Variants in KDM4C observed in about 807,000 individuals in gnomAD.
KDM4C encodes lysine demethylase 4C.
KDM4C carries 81 observed loss-of-function variants against 129.3 expected under a neutral mutation model. The observed-to-expected ratio is 0.63, with a 90% CI of 0.52 to 0.75. The LOEUF (loss-of-function observed/expected upper bound fraction) is 0.75. Ranked by LOEUF, KDM4C falls within the 30% of genes least tolerant of loss-of-function variation. KDM4C has a pLI of 0.00. For missense variants in KDM4C, 1,457 were observed against 1,304.0 expected (o/e 1.12, Z -1.81); for synonymous variants, 573 against 456.1 (o/e 1.26, Z -3.26).
At chr9:7,124,685 A>G (rs561491699) in intron 18 of KDM4C, among the ~76,000 whole-genome samples, 11 of 152,302 alleles carry the variant, frequency 7.2e-5, no homozygotes, top group East Asian at 1.9e-4. Context: ...GTATAGTGCA[A>G]TTAAATCGGG....
At chr9:6,733,304 A>G (rs1245412204) in intron 1 of KDM4C, among the ~76,000 whole-genome samples, 1 of 152,232 alleles carries the variant, frequency 6.6e-6, no homozygotes, top group Non-Finnish European at 1.5e-5. Flanking sequence ...ACAATTGCCT[A>G]CAGAAAGGGG....
chr9:6,947,765 A>G (rs1731496078), intron 8 of KDM4C, among the ~76,000 whole-genome samples: 1 of 152,054 alleles, frequency 6.6e-6, no homozygotes, highest in South Asian at 2.1e-4. Context: ...GGAGTTTTTA[A>G]TCAGTATTGG....
intron 1 of KDM4C, among the ~76,000 whole-genome samples, chr9:6,788,948 G>A (rs1825987336): frequency 6.6e-6 from 1 of 152,102 alleles, no homozygotes; most frequent in African/African-American, 2.4e-5. Context: ...GTTTACAGAA[G>A]CACAAGTCAG....
intron 8 of KDM4C, among the ~76,000 whole-genome samples, chr9:6,934,530 CCTCT>C (rs1044058941): frequency 1.1e-4 from 15 of 141,666 alleles, no homozygotes; most frequent in African/African-American, 3.7e-4. Flanking sequence ...CAACTTATAT[CCTCT>C]CTCTTTTTTT....
At chr9:6,995,044 G>T (rs1390309960) in intron 12 of KDM4C, among the ~76,000 whole-genome samples, 1 of 137,742 alleles carries the variant, frequency 7.3e-6, no homozygotes, top group Admixed American at 7.5e-5. Context: ...GGCTACGGTG[G>T]TCCTGAGAGT....
At chr9:6,736,293 A>G (rs2130238686) in intron 1 of KDM4C, among the ~76,000 whole-genome samples, 1 of 152,354 alleles carries the variant, frequency 6.6e-6, no homozygotes, top group South Asian at 2.1e-4. Context: ...AGAAATTTGC[A>G]TAAGTAATGA....
At chr9:6,828,233 C>T (rs1430440037) in intron 4 of KDM4C, among the ~76,000 whole-genome samples, 3 of 151,954 alleles carry the variant, frequency 2.0e-5, no homozygotes, top group African/African-American at 4.8e-5. Flanking sequence ...CTGCAAGCTC[C>T]GCCTCCCAGG....
chr9:7,036,702 A>T (rs1258432348), intron 15 of KDM4C, among the ~76,000 whole-genome samples: 2 of 152,180 alleles, frequency 1.3e-5, no homozygotes, highest in African/African-American at 4.8e-5. Context: ...TTTGTATATT[A>T]TGACTTTCTC....
At chr9:7,085,291 C>G (rs1052251065) in intron 17 of KDM4C, among the ~76,000 whole-genome samples, 2 of 152,218 alleles carry the variant, frequency 1.3e-5, no homozygotes, top group African/African-American at 4.8e-5. Context: ...GTTTCTTCAT[C>G]TCTAAAACAA....
intron 19 of KDM4C, among the ~76,000 whole-genome samples, chr9:7,145,562 G>A (rs1250802694): frequency 1.3e-5 from 2 of 152,148 alleles, no homozygotes; most frequent in Non-Finnish European, 2.9e-5. Context: ...CCATACCTCT[G>A]GTGAGGAGTT....
intron 5 of KDM4C, among the ~76,000 whole-genome samples, chr9:6,877,553 C>G (rs1458977420): frequency 1.3e-5 from 2 of 152,132 alleles, no homozygotes; most frequent in African/African-American, 2.4e-5. Flanking sequence ...ATTTAGAGAA[C>G]AGAATTGTTC....
chr9:6,762,597 A>G (rs1041226959), intron 1 of KDM4C, among the ~76,000 whole-genome samples: 1 of 148,812 alleles, frequency 6.7e-6, no homozygotes, highest in African/African-American at 2.4e-5. Context: ...TAATATAAAT[A>G]CAATATATAT....
intron 6 of KDM4C, among the ~76,000 whole-genome samples, chr9:6,887,533 A>T (rs996941372): frequency 6.6e-6 from 1 of 152,190 alleles, no homozygotes; most frequent in African/African-American, 2.4e-5. Context: ...GAGGATTGGG[A>T]TGAGTGCTTC....
chr9:7,004,997 C>T (rs1457635809), intron 12 of KDM4C, among the ~76,000 whole-genome samples: 9 of 152,142 alleles, frequency 5.9e-5, no homozygotes, highest in South Asian at 4.2e-4. Context: ...GCCATGGCCC[C>T]GACCAGCCAG....
chr9:6,817,792 A>G (rs1832397733), intron 4 of KDM4C, among the ~76,000 whole-genome samples: 1 of 138,330 alleles, frequency 7.2e-6, no homozygotes, highest in Non-Finnish European at 1.5e-5. Flanking sequence ...TTTGAGACAG[A>G]GTCTCACTCT....
intron 1 of KDM4C, among the ~76,000 whole-genome samples, chr9:6,777,587 A>G (rs1319945668): frequency 2.0e-5 from 3 of 152,174 alleles, no homozygotes; most frequent in Non-Finnish European, 2.9e-5. Flanking sequence ...GTCTAAGACA[A>G]GAAAGTTGTT....
chr9:6,762,554 A>G (rs866789097), intron 1 of KDM4C, among the ~76,000 whole-genome samples: 3 of 151,392 alleles, frequency 2.0e-5, no homozygotes, highest in Non-Finnish European at 4.4e-5. Context: ...CTACAAATGT[A>G]GACCATTTTG....
chr9:6,863,619 AC>A (rs1480747295), intron 5 of KDM4C, among the ~76,000 whole-genome samples: 1 of 151,916 alleles, frequency 6.6e-6, no homozygotes, highest in Non-Finnish European at 1.5e-5. Flanking sequence ...ACACGGTGAA[AC>A]CTTGTCTCTA....
At chr9:6,723,161 A>T (rs780294915) in intron 1 of KDM4C, among the ~76,000 whole-genome samples, 12 of 151,940 alleles carry the variant, frequency 7.9e-5, no homozygotes, top group Non-Finnish European at 1.3e-4. Context: ...ATCTCCTGAG[A>T]TCAGGATTTC....
Sources: gnomAD v4.1 joint callset for allele counts (sites outside exome capture counted in the v4.1 genomes callset) on GRCh38, gnomAD v4.1.1 for gene constraint, MANE v1.5 for transcripts, NCBI Gene and HGNC (gene_info 2026-07-23, HGNC 2026-07-21) for gene names.